Variants in DENND4A observed in about 807,000 individuals in gnomAD.
The protein encoded by DENND4A is C-myc promoter-binding protein.
DENND4A carries 70 observed loss-of-function variants against 199.3 expected under a neutral mutation model. The ratio of observed to expected loss-of-function variants is 0.35; its 90% CI spans 0.29 to 0.43. The LOEUF (loss-of-function observed/expected upper bound fraction) is 0.43. DENND4A is among the 20% of genes least tolerant of loss of function. The pLI is 1.00. For missense variants in DENND4A, 1,723 were observed against 2,255.8 expected, an observed-to-expected ratio of 0.76 and a Z score of 4.78; for synonymous variants, 686 against 766.9, an observed-to-expected ratio of 0.89 and a Z score of 1.74.
chr15:65,753,712 T>C (rs1567079211), intron 3 of DENND4A, among the ~76,000 whole-genome samples: 1 of 152,182 alleles, frequency 6.6e-6, no homozygotes, highest in Non-Finnish European at 1.5e-5. Context: ...AAATGTGTTT[T>C]TGCATTTGCT....
intron 1 of DENND4A, among the ~76,000 whole-genome samples, chr15:65,774,699 T>C (rs2077230396): frequency 6.6e-6 from 1 of 151,702 alleles, no homozygotes. Context: ...AAAAATAAGA[T>C]GTTTTATAAA....
intron 3 of DENND4A, 86 bp from the exon 4 acceptor site, chr15:65,752,714 A>G (rs1327634834): frequency 6.2e-6 from 5 of 800,968 alleles, no homozygotes; most frequent in Non-Finnish European, 9.4e-6. Context: ...TGATCCTTAA[A>G]TGTAGTAGCA....
intron 4 of DENND4A, among the ~76,000 whole-genome samples, chr15:65,745,629 A>G (rs1203941806): frequency 2.0e-5 from 3 of 152,180 alleles, no homozygotes; most frequent in Non-Finnish European, 4.4e-5. Flanking sequence ...TGGGCTCTCT[A>G]TTGGAAAGTC....
chr15:65,680,442 T>A (rs1233866469), intron 23 of DENND4A, among the ~76,000 whole-genome samples: 1 of 152,192 alleles, frequency 6.6e-6, no homozygotes, highest in African/African-American at 2.4e-5. Context: ...TATTTTAACA[T>A]CCTGAACCAG....
intron 22 of DENND4A, among the ~76,000 whole-genome samples, chr15:65,691,970 TTTTTTTTA>T (rs2076985553): frequency 6.7e-6 from 1 of 149,396 alleles, no homozygotes. Context: ...TTTTTTTTTT[TTTTTTTTA>T]ATTTGCTAGA....
At chr15:65,762,085 G>A (rs959330892) in intron 1 of DENND4A, among the ~76,000 whole-genome samples, 3 of 152,072 alleles carry the variant, frequency 2.0e-5, no homozygotes, top group South Asian at 4.1e-4. Context: ...TCGGCTCACC[G>A]CAACCTCCAC....
intron 4 of DENND4A, among the ~76,000 whole-genome samples, chr15:65,743,149 A>C (rs567788864): frequency 2.7e-4 from 41 of 152,288 alleles, no homozygotes; most frequent in African/African-American, 9.4e-4. Flanking sequence ...ATCACTACAT[A>C]AACGAGTGAT....
chr15:65,785,482 C>T (rs1348851855), intron 1 of DENND4A, among the ~76,000 whole-genome samples: 1 of 145,710 alleles, frequency 6.9e-6, no homozygotes, highest in Non-Finnish European at 1.5e-5. Context: ...AGAGCAACAT[C>T]CTGTCTCTAA....
Position 65,736,754 on chromosome 15 carries a change from T to C in DENND4A, c.1040+953A>G, listed in dbSNP as rs545967370. Among the ~76,000 whole-genome samples, 95 of 152,322 alleles carry C rather than the reference T, an allele frequency of 6.2e-4. 1 individual carries two copies. In the South Asian group the frequency reaches 8.3e-3, roughly 13 times the overall value. ...CATATCTGTGGGAGGCCAGGCTTTC[T>C]TTGTATATTTCAACCAAAACAACTA... On this transcript the variant is annotated intron_variant, in intron 7 of 32. Coordinates refer to ENST00000443035, the MANE Select transcript of DENND4A (RefSeq NM_001320835.1).
intron 1 of DENND4A, chr15:65,771,459 GC>G: frequency 6.2e-7 from 1 of 1,604,138 alleles, no homozygotes; most frequent in Non-Finnish European, 8.5e-7. Context: ...TTAATAGTTT[GC>G]CCTGTTCCAG....
At chr15:65,787,166 A>G (rs2077587315) in intron 1 of DENND4A, among the ~76,000 whole-genome samples, 1 of 152,176 alleles carries the variant, frequency 6.6e-6, no homozygotes, top group Non-Finnish European at 1.5e-5. Flanking sequence ...CTACAAAACA[A>G]TATTACAATA....
At chr15:65,776,560 C>T (rs2077289258) in intron 1 of DENND4A, among the ~76,000 whole-genome samples, 1 of 152,106 alleles carries the variant, frequency 6.6e-6, no homozygotes, top group African/African-American at 2.4e-5. Flanking sequence ...AGTCTATTTA[C>T]CTACACACCT....
chr15:65,742,147 G>C (rs2076276091), intron 4 of DENND4A, among the ~76,000 whole-genome samples: 1 of 152,128 alleles, frequency 6.6e-6, no homozygotes, highest in South Asian at 2.1e-4. Context: ...ATCTGTTTCA[G>C]ATATTGCCAG....
intron 1 of DENND4A, among the ~76,000 whole-genome samples, chr15:65,769,567 A>G (rs1025802526): frequency 1.8e-4 from 27 of 152,230 alleles, no homozygotes; most frequent in Non-Finnish European, 7.3e-5. Flanking sequence ...GGACCAAAAA[A>G]AGTATAAATT....
At chr15:65,759,762 TTTAAG>T (rs2076805968) in intron 2 of DENND4A, among the ~76,000 whole-genome samples, 1 of 152,226 alleles carries the variant, frequency 6.6e-6, no homozygotes, top group African/African-American at 2.4e-5. Flanking sequence ...CATCTATTTA[TTTAAG>T]AAAGTTGCAG....
intron 14 of DENND4A, among the ~76,000 whole-genome samples, chr15:65,708,560 G>A (rs1048134183): frequency 3.9e-5 from 6 of 152,066 alleles, no homozygotes; most frequent in Non-Finnish European, 7.4e-5. Context: ...AAAAATAGCC[G>A]TGCAATAAAT....
chr15:65,685,140 T>A (rs1158331088), intron 23 of DENND4A, among the ~76,000 whole-genome samples: 5 of 151,578 alleles, frequency 3.3e-5, no homozygotes, highest in African/African-American at 1.2e-4. Context: ...AATTTTTTTT[T>A]TTTTGAGACC....
chr15:65,757,154 A>G (rs2140688701), intron 2 of DENND4A, among the ~76,000 whole-genome samples: 1 of 152,258 alleles, frequency 6.6e-6, no homozygotes, highest in African/African-American at 2.4e-5. Context: ...ACACTGAAGA[A>G]ACCAAAAGTC....
In DENND4A at chr15:65,706,502, A is replaced by AT. The variant is rs1238162671; in HGVS notation, c.1954-279dup. Among the ~76,000 whole-genome samples the AT allele has an allele frequency of 1.8e-4, 23 of 125,970 alleles. No homozygotes were observed. The East Asian group carries it at 9.1e-3, about 50-fold the overall frequency. The allele number at this position is 125,970 out of a possible 152,430, so 82.6% of individuals were successfully genotyped here. A position where few individuals can be genotyped will look rare whatever the true frequency, so the allele number is the denominator to read the frequency against. ...CACACACACACACACACACATATAT[A>AT]TATATATTTTTTTTTGAGACAGTCT... On this transcript the variant is annotated intron_variant, in intron 14 of 32. Coordinates refer to ENST00000443035, the MANE Select transcript of DENND4A (RefSeq NM_001320835.1).
Sources: allele counts gnomAD v4.1 joint callset (sites outside exome capture counted in the v4.1 genomes callset), GRCh38; gene constraint gnomAD v4.1.1; transcripts MANE v1.5; gene names NCBI Gene and HGNC (gene_info 2026-07-23, HGNC 2026-07-21).